The following NPAS3 variants were observed in gnomAD, a reference collection of about 807,000 sequenced individuals.
NPAS3 encodes neuronal PAS domain-containing protein 3.
NPAS3 carries 14 observed loss-of-function variants against 73.1 expected under a neutral mutation model. The ratio of observed to expected loss-of-function variants is 0.19; its 90% confidence interval spans 0.13 to 0.30. NPAS3 has a LOEUF of 0.30. NPAS3 is among the 10% of genes least tolerant of loss of function. NPAS3 has a pLI of 1.00. For synonymous variants in NPAS3, 620 were observed against 541.5 expected, an observed-to-expected ratio of 1.14 and a Z score of -2.01; for missense variants, 1,096 against 1,250.0, an observed-to-expected ratio of 0.88 and a Z score of 1.86.
chr14:33,240,600 A>T (rs2048182861), intron 3 of NPAS3, among the ~76,000 whole-genome samples: 1 of 150,242 alleles, frequency 6.7e-6, no homozygotes, highest in African/African-American at 2.5e-5. Context: ...ATAAACTCTG[A>T]TTCACTGTTG....
chr14:33,386,830 G>A (rs560988751), intron 4 of NPAS3, among the ~76,000 whole-genome samples: 10 of 152,136 alleles, frequency 6.6e-5, no homozygotes, highest in Non-Finnish European at 1.2e-4. Flanking sequence ...TCAGGTGGGC[G>A]TCTTCATGCT....
intron 7 of NPAS3, among the ~76,000 whole-genome samples, chr14:33,772,259 G>C (rs927759256): frequency 6.6e-6 from 1 of 152,176 alleles, no homozygotes; most frequent in African/African-American, 2.4e-5. Flanking sequence ...GAGAGGCTGC[G>C]TGACTTGCCC....
At chr14:33,448,958 C>A (rs2049656979) in intron 4 of NPAS3, among the ~76,000 whole-genome samples, 2 of 152,068 alleles carry the variant, frequency 1.3e-5, no homozygotes, top group African/African-American at 4.8e-5. Flanking sequence ...ATGTCTGTGG[C>A]CAAAAATAAT....
intron 10 of NPAS3, 43 bp downstream of exon 10, chr14:33,794,087 A>C: frequency 6.4e-7 from 1 of 1,552,800 alleles, no homozygotes; most frequent in East Asian, 2.2e-5. Context: ...TGGTTATAAA[A>C]TATGCCATAT....
rs140335380 is a variant in NPAS3 at position 33,466,855 on chromosome 14, C to G, written c.469-93266C>G. ...TGAGAACTCCACCCCATGATCCAGTCACCTCCTACAGGCCCCACCTCCGAC... is the reference window on the plus strand; with the variant it reads ...TGAGAACTCCACCCCATGATCCAGTGACCTCCTACAGGCCCCACCTCCGAC... On this transcript the variant is annotated intron_variant, in intron 4 of 11. Transcript: ENST00000356141. Among the ~76,000 whole-genome samples the G allele has an allele frequency of 2.0e-5, 3 of 152,284 alleles. No individual in the cohort carries two copies. In the East Asian group the frequency reaches 5.8e-4, roughly 29 times the overall value.
intron 2 of NPAS3, among the ~76,000 whole-genome samples, chr14:33,205,701 G>GGT (rs1462971094): frequency 2.0e-5 from 3 of 152,110 alleles, no homozygotes; most frequent in African/African-American, 7.2e-5. Context: ...GAAGTATAAT[G>GGT]GTGTGTTCCT....
chr14:33,784,745 A>ATTTATTTTTTTTTTTTTTTTT (rs1471526546), intron 9 of NPAS3, among the ~76,000 whole-genome samples: 1 of 73,856 alleles, frequency 1.4e-5, no homozygotes, highest in African/African-American at 6.2e-5. Context: ...TTATTTATTT[A>ATTTATTTTTTTTTTTTTTTTT]TTTTTTTTTT....
At chr14:33,190,476 T>C (rs2046130758) in intron 2 of NPAS3, among the ~76,000 whole-genome samples, 1 of 152,242 alleles carries the variant, frequency 6.6e-6, no homozygotes, top group African/African-American at 2.4e-5. Flanking sequence ...CTTGTTTAAA[T>C]TTAAAAATCA....
At chr14:33,603,924 G>A (rs1350988810) in intron 5 of NPAS3, among the ~76,000 whole-genome samples, 1 of 152,044 alleles carries the variant, frequency 6.6e-6, no homozygotes, top group Non-Finnish European at 1.5e-5. Context: ...GTATGCTCTT[G>A]TAGGGCTCTT....
chr14:33,351,040 T>C (rs2045021683), intron 3 of NPAS3, among the ~76,000 whole-genome samples: 1 of 152,220 alleles, frequency 6.6e-6, no homozygotes, highest in Non-Finnish European at 1.5e-5. Flanking sequence ...TAATAGACTC[T>C]ATACAAGCTT....
chr14:33,385,331 C>A (rs1476146495), intron 4 of NPAS3, among the ~76,000 whole-genome samples: 1 of 152,106 alleles, frequency 6.6e-6, no homozygotes, highest in Non-Finnish European at 1.5e-5. Flanking sequence ...AATTATCTGC[C>A]ACGATGCATT....
chr14:33,459,149 C>T (rs917068708), intron 4 of NPAS3, among the ~76,000 whole-genome samples: 1 of 152,056 alleles, frequency 6.6e-6, no homozygotes. Flanking sequence ...TGAGGACGAC[C>T]AGAGGTCACT....
At chr14:33,268,808 A>G (rs1430352830) in intron 3 of NPAS3, among the ~76,000 whole-genome samples, 1 of 152,158 alleles carries the variant, frequency 6.6e-6, no homozygotes, top group Non-Finnish European at 1.5e-5. Flanking sequence ...AAGCTGAAGG[A>G]CGATGTTGAT....
intron 5 of NPAS3, among the ~76,000 whole-genome samples, chr14:33,646,988 C>T (rs1217875120): frequency 6.6e-6 from 1 of 152,108 alleles, no homozygotes; most frequent in Non-Finnish European, 1.5e-5. Context: ...ACAGTAGGAG[C>T]TGTCTTGTAG....
At chr14:33,244,462 C>G (rs2048312455) in intron 3 of NPAS3, among the ~76,000 whole-genome samples, 2 of 151,854 alleles carry the variant, frequency 1.3e-5, no homozygotes, top group South Asian at 4.2e-4. Flanking sequence ...TACATAAACA[C>G]TTGTGGCTTC....
chr14:33,312,253 A>G (rs2043032278), intron 3 of NPAS3, among the ~76,000 whole-genome samples: 2 of 152,076 alleles, frequency 1.3e-5, no homozygotes, highest in Admixed American at 6.6e-5. Context: ...TATGTTTTGT[A>G]TGTAAGCATT....
intron 3 of NPAS3, among the ~76,000 whole-genome samples, chr14:33,314,242 AT>A (rs1566787631): frequency 6.6e-6 from 1 of 152,094 alleles, no homozygotes; most frequent in Non-Finnish European, 1.5e-5. Flanking sequence ...TGTTATAAAT[AT>A]TTATTGTAAT....
chr14:33,691,848 A>G (rs1431145638), intron 6 of NPAS3, among the ~76,000 whole-genome samples: 3 of 152,186 alleles, frequency 2.0e-5, no homozygotes, highest in African/African-American at 7.2e-5. Context: ...TAAAATAGAT[A>G]AGAGCATTCA....
At chr14:33,022,553 T>TGCTCTGGAGCTAGGAGCTAGGA (rs2039639701) in intron 1 of NPAS3, among the ~76,000 whole-genome samples, 1 of 151,358 alleles carries the variant, frequency 6.6e-6, no homozygotes, top group Non-Finnish European at 1.5e-5. Flanking sequence ...TAGTCCTAGC[T>TGCTCTGGAGCTAGGAGCTAGGA]GCTCTGGAGG....
Sources: allele counts gnomAD v4.1 joint callset (sites outside exome capture counted in the v4.1 genomes callset), GRCh38; gene constraint gnomAD v4.1.1; transcripts MANE v1.5; gene names NCBI Gene and HGNC (gene_info 2026-07-23, HGNC 2026-07-21).